Variants in CADM2 observed in about 807,000 individuals in gnomAD.
CADM2 encodes the protein immunoglobulin superfamily member 4D.
In CADM2, 12 loss-of-function variants were observed where a neutral mutation model predicts 49.8. That is an observed-to-expected ratio of 0.24 (90% CI 0.15 to 0.39). The LOEUF (loss-of-function observed/expected upper bound fraction) is 0.39, where lower values mean the gene tolerates loss of function less well. Among genes scored for constraint, CADM2 ranks in the 10% least tolerant of loss-of-function variants. The pLI is 1.00. For missense variants in CADM2, 378 were observed against 492.3 expected, an observed-to-expected ratio of 0.77 and a Z score of 2.20; for synonymous variants, 214 against 175.4, an observed-to-expected ratio of 1.22 and a Z score of -1.74.
intron 1 of CADM2, among the ~76,000 whole-genome samples, chr3:85,600,948 A>T (rs1224104116): frequency 6.6e-6 from 1 of 150,906 alleles, no homozygotes. Flanking sequence ...AGATATGATC[A>T]TTGAAATTTG....
intron 1 of CADM2, among the ~76,000 whole-genome samples, chr3:85,699,373 C>T (rs2066675224): frequency 6.6e-6 from 1 of 152,210 alleles, no homozygotes; most frequent in Admixed American, 6.5e-5. Flanking sequence ...TCCAACCCCA[C>T]ATTTCCTCTC....
At chr3:85,849,629 G>T (rs2075016097) in intron 3 of CADM2, among the ~76,000 whole-genome samples, 1 of 152,076 alleles carries the variant, frequency 6.6e-6, no homozygotes, top group Non-Finnish European at 1.5e-5. Context: ...AGCTTATCAT[G>T]AACACCACAT....
Position 85,176,201 on chromosome 3 carries a change from G to C in CADM2, c.61+216533G>C, listed in dbSNP as rs1458657030. Reference sequence around the variant, plus strand: ...GGTTGCCTTAAGCATTCTAAGAAAGGTTTTGTCTTTATCATGCAATAGGCT... The same window carrying C: ...GGTTGCCTTAAGCATTCTAAGAAAGCTTTTGTCTTTATCATGCAATAGGCT... On this transcript the variant is annotated intron_variant, in intron 1 of 9. Coordinates refer to ENST00000383699, the MANE Select transcript of CADM2 (RefSeq NM_001167675.2). Among the ~76,000 whole-genome samples the C allele has an allele frequency of 2.0e-5, 3 of 152,010 alleles. No individual in the cohort carries two copies. The East Asian group carries it at 5.8e-4, about 29-fold the overall frequency.
chr3:85,028,314 C>T (rs1441414573), intron 1 of CADM2, among the ~76,000 whole-genome samples: 1 of 152,116 alleles, frequency 6.6e-6, no homozygotes, highest in Admixed American at 6.5e-5. Flanking sequence ...TGACTGTGAC[C>T]TTCTCCCTAA....
At chr3:84,998,724 G>T (rs1397709196) in intron 1 of CADM2, among the ~76,000 whole-genome samples, 1 of 152,078 alleles carries the variant, frequency 6.6e-6, no homozygotes, top group Non-Finnish European at 1.5e-5. Flanking sequence ...TTCCAGGAAT[G>T]GACACAGAGC....
intron 1 of CADM2, among the ~76,000 whole-genome samples, chr3:85,707,322 C>T (rs2107727175): frequency 6.7e-6 from 1 of 149,358 alleles, no homozygotes; most frequent in African/African-American, 2.5e-5. Flanking sequence ...TCATAAATTC[C>T]TTTTTGTAGA....
rs900326025 is a variant in CADM2, at chr3:85,916,624, A to G, written c.700+4081A>G. On this transcript the variant is annotated intron_variant, in intron 6 of 9. Coordinates refer to ENST00000383699, the MANE Select transcript of CADM2 (RefSeq NM_001167675.2). ...CTTTGCTATTGTAAATAGTGCCTCA[A>G]TAAACATACGTGTGCATGTGTCTTT... Among the ~76,000 whole-genome samples, 207 of 152,064 alleles carry G rather than the reference A, an allele frequency of 1.4e-3. 2 individuals are homozygous for G. Among genetic ancestry groups the G allele is most frequent in the Non-Finnish European group, 4.9e-4 (33 of 68,028 alleles).
intron 1 of CADM2, among the ~76,000 whole-genome samples, chr3:85,658,576 G>GTATA (rs397990421): frequency 0.064 from 4,357 of 68,270 alleles, 231 homozygotes; most frequent in East Asian, 0.094. Flanking sequence ...GGATATATGT[G>GTATA]TATATATATA....
intron 1 of CADM2, among the ~76,000 whole-genome samples, chr3:85,479,110 A>C (rs892269905): frequency 1.3e-5 from 2 of 151,732 alleles, no homozygotes; most frequent in South Asian, 4.2e-4. Context: ...TGCCTGGCTA[A>C]ATTTTTATTA....
chr3:85,039,030 C>CAG (rs1007500445), intron 1 of CADM2, among the ~76,000 whole-genome samples: 72 of 150,216 alleles, frequency 4.8e-4, no homozygotes, highest in Admixed American at 1.9e-3. Flanking sequence ...CTTATAAACA[C>CAG]AGAGAGAGAG....
At chr3:86,027,259 A>T (rs898532637) in intron 8 of CADM2, among the ~76,000 whole-genome samples, 1 of 152,142 alleles carries the variant, frequency 6.6e-6, no homozygotes, top group African/African-American at 2.4e-5. Context: ...TGGATAACTC[A>T]GTATATATCT....
intron 8 of CADM2, among the ~76,000 whole-genome samples, chr3:86,034,684 C>G (rs927307675): frequency 1.1e-4 from 17 of 151,968 alleles, no homozygotes; most frequent in Non-Finnish European, 1.6e-4. Flanking sequence ...TCAGCTGCAG[C>G]TTTGTGTTTT....
At chr3:85,390,970 G>A (rs1559816028) in intron 1 of CADM2, among the ~76,000 whole-genome samples, 1 of 152,022 alleles carries the variant, frequency 6.6e-6, no homozygotes. Context: ...ACTCCAGAGA[G>A]CTAAATGCAT....
chr3:85,800,438 A>G (rs2071937548), intron 2 of CADM2: 1 of 155,210 alleles, frequency 6.4e-6, no homozygotes, highest in Admixed American at 6.5e-5. Flanking sequence ...GATACCAAAA[A>G]CAAACAAACA....
intron 1 of CADM2, among the ~76,000 whole-genome samples, chr3:85,526,978 T>G (rs1297882282): frequency 6.6e-6 from 1 of 152,166 alleles, no homozygotes; most frequent in Non-Finnish European, 1.5e-5. Flanking sequence ...GGATTAAGCT[T>G]CTTTGTCGTA....
At position 85,249,315 on chromosome 3, in the gene CADM2, G is replaced by T. The variant is rs905587653; in HGVS notation, c.61+289647G>T. 4.6e-5 allele frequency among the ~76,000 whole-genome samples: 7 copies of T among 151,968 alleles called. No individual in the cohort carries two copies. In the East Asian group the frequency reaches 1.2e-3, roughly 25 times the overall value. The stretch of plus-strand genomic sequence containing the variant: ...GATCTGAAGTATTTAAAATAAAGTC[G>T]ATTAATAACAATGTAAAGAAACTTA... On this transcript the variant is annotated intron_variant, in intron 1 of 9. Coordinates refer to ENST00000383699, the MANE Select transcript of CADM2 (RefSeq NM_001167675.2).
intron 2 of CADM2, among the ~76,000 whole-genome samples, chr3:85,759,024 G>A (rs1196263541): frequency 6.6e-6 from 1 of 151,984 alleles, no homozygotes; most frequent in East Asian, 1.9e-4. Context: ...TAATGCTATT[G>A]CACATGTAGG....
At chr3:85,229,813 G>T (rs2042247315) in intron 1 of CADM2, among the ~76,000 whole-genome samples, 1 of 152,122 alleles carries the variant, frequency 6.6e-6, no homozygotes, top group Non-Finnish European at 1.5e-5. Context: ...TGTCTTCATA[G>T]CCTTTCTTGG....
chr3:85,979,209 C>CA, intron 8 of CADM2: 1 of 1,611,050 alleles, frequency 6.2e-7, no homozygotes, highest in Non-Finnish European at 8.5e-7. Flanking sequence ...CCCTCCCTTA[C>CA]CACTGCAACA....
Sources: allele counts gnomAD v4.1 joint callset (sites outside exome capture counted in the v4.1 genomes callset), GRCh38; gene constraint gnomAD v4.1.1; transcripts MANE v1.5; gene names NCBI Gene and HGNC (gene_info 2026-07-23, HGNC 2026-07-21).